ADARB2: variants seen among roughly 807,000 people sequenced by gnomAD.
ADARB2 encodes adenosine deaminase RNA specific B2 (inactive).
ADARB2 carries 25 observed loss-of-function variants against 62.2 expected under a neutral mutation model. That is an observed-to-expected ratio of 0.40 (90% confidence interval 0.29 to 0.56). The LOEUF is 0.56. ADARB2 is among the 20% of genes least tolerant of loss of function. The pLI, the probability that ADARB2 is intolerant of heterozygous loss-of-function variation, is 0.43. For synonymous variants in ADARB2, 572 were observed against 500.8 expected, an observed-to-expected ratio of 1.14 and a Z score of -1.90; for missense variants, 1,071 against 1,077.4, an observed-to-expected ratio of 0.99 and a Z score of 0.08.
chr10:1,388,044 C>A (rs1832539036), intron 1 of ADARB2, among the ~76,000 whole-genome samples: 1 of 151,978 alleles, frequency 6.6e-6, no homozygotes, highest in South Asian at 2.1e-4. Flanking sequence ...ACATGCCAAA[C>A]CTCCACACTC....
At chr10:1,382,979 C>T (rs567387178) in intron 1 of ADARB2, among the ~76,000 whole-genome samples, 2 of 152,300 alleles carry the variant, frequency 1.3e-5, no homozygotes, top group East Asian at 1.9e-4. Context: ...GGCCTGGGGC[C>T]GGCCCTGGTC....
intron 3 of ADARB2, among the ~76,000 whole-genome samples, chr10:1,357,653 A>G (rs1460231655): frequency 6.6e-6 from 1 of 152,202 alleles, no homozygotes; most frequent in Non-Finnish European, 1.5e-5. Flanking sequence ...TTCACCCAGG[A>G]TGGGAGCGAC....
intron 1 of ADARB2, among the ~76,000 whole-genome samples, chr10:1,618,589 T>C (rs1036803168): frequency 6.6e-6 from 1 of 152,020 alleles, no homozygotes; most frequent in Non-Finnish European, 1.5e-5. Flanking sequence ...ACTTCACATA[T>C]GCTGGAGTGC....
At chr10:1,543,300 G>A (rs1832467881) in intron 1 of ADARB2, among the ~76,000 whole-genome samples, 1 of 152,218 alleles carries the variant, frequency 6.6e-6, no homozygotes, top group Non-Finnish European at 1.5e-5. Flanking sequence ...TGTGAAGGGC[G>A]TCCTCCAGGT....
chr10:1,675,837 C>G (rs541003702), intron 1 of ADARB2, among the ~76,000 whole-genome samples: 2 of 152,170 alleles, frequency 1.3e-5, no homozygotes, highest in African/African-American at 4.8e-5. Flanking sequence ...GAAGGGAAGC[C>G]GTGTCTCTGA....
chr10:1,300,925 G>C (rs527761153), intron 3 of ADARB2, among the ~76,000 whole-genome samples: 1 of 152,242 alleles, frequency 6.6e-6, no homozygotes, highest in Non-Finnish European at 1.5e-5. Context: ...AGATGCTGCT[G>C]TGATTGTCAG....
At chr10:1,543,453 A>T (rs1310772128) in intron 1 of ADARB2, among the ~76,000 whole-genome samples, 1 of 152,248 alleles carries the variant, frequency 6.6e-6, no homozygotes, top group Non-Finnish European at 1.5e-5. Context: ...GTATCTAAAA[A>T]GAGATCAATT....
intron 1 of ADARB2, among the ~76,000 whole-genome samples, chr10:1,548,685 G>T (rs1832564289): frequency 6.6e-6 from 1 of 152,168 alleles, no homozygotes; most frequent in Non-Finnish European, 1.5e-5. Context: ...AAAGATCTAG[G>T]ATAAGGAGAG....
intron 1 of ADARB2, among the ~76,000 whole-genome samples, chr10:1,487,691 AG>A (rs1234287405): frequency 6.6e-6 from 1 of 152,216 alleles, no homozygotes; most frequent in Non-Finnish European, 1.5e-5. Context: ...TTAGGGAAAA[AG>A]TTTAGGTATT....
intron 1 of ADARB2, among the ~76,000 whole-genome samples, chr10:1,445,575 A>C (rs865905522): frequency 1.9e-4 from 29 of 152,240 alleles, no homozygotes; most frequent in Middle Eastern, 6.8e-3. Context: ...TCCATTATTT[A>C]CATGTTGCAT....
intron 7 of ADARB2, among the ~76,000 whole-genome samples, chr10:1,201,586 A>T (rs1836985551): frequency 6.6e-6 from 1 of 151,142 alleles, no homozygotes; most frequent in African/African-American, 2.4e-5. Flanking sequence ...GAGGACCTTC[A>T]TTCCACAGAG....
chr10:1,415,321 AATGGATGG>A (rs1207220142), intron 1 of ADARB2, among the ~76,000 whole-genome samples: 1 of 135,698 alleles, frequency 7.4e-6, no homozygotes, highest in African/African-American at 2.8e-5. Flanking sequence ...TAAATGGTGA[AATGGATGG>A]ATGGATGGAT....
chr10:1,460,889 C>A (rs1353619059), intron 1 of ADARB2, among the ~76,000 whole-genome samples: 1 of 107,752 alleles, frequency 9.3e-6, no homozygotes, highest in Non-Finnish European at 2.0e-5. Context: ...CCTGAGTTTA[C>A]CTGCGTTACG....
rs145024882 is a variant in ADARB2, at chr10:1,729,479, G to A, written c.100+7572C>T. Reference sequence around the variant, plus strand: ...GATGAGTGAACCCAGCCAGACTTGGGGTTTGGAGGAGGTCAGAATCTATTC... The same window carrying A: ...GATGAGTGAACCCAGCCAGACTTGGAGTTTGGAGGAGGTCAGAATCTATTC... On this transcript the variant is annotated intron_variant, in intron 1 of 9. Coordinates refer to ENST00000381312, the MANE Select transcript of ADARB2 (RefSeq NM_018702.4). Among the ~76,000 whole-genome samples, 61 of 152,236 alleles carry A rather than the reference G, an allele frequency of 4.0e-4. 1 individual carries two copies. The East Asian group carries it at 0.012, about 29-fold the overall frequency.
intron 1 of ADARB2, among the ~76,000 whole-genome samples, chr10:1,636,289 G>A (rs1833916855): frequency 6.6e-6 from 1 of 152,214 alleles, no homozygotes; most frequent in African/African-American, 2.4e-5. Context: ...GGCTGAAGCA[G>A]GCGGATCACT....
chr10:1,510,096 T>TTTCTTTCTCTCTTTCTTTC (rs1564312412), intron 1 of ADARB2, among the ~76,000 whole-genome samples: 47 of 124,808 alleles, frequency 3.8e-4, no homozygotes, highest in Admixed American at 1.3e-3. Flanking sequence ...TCTCTCTCTC[T>TTTCTTTCTCTCTTTCTTTC]TTTCTTTCTT....
At chr10:1,401,819 G>A (rs1045031967) in intron 1 of ADARB2, among the ~76,000 whole-genome samples, 2 of 152,166 alleles carry the variant, frequency 1.3e-5, no homozygotes, top group African/African-American at 4.8e-5. Flanking sequence ...GGCCTGGGGA[G>A]CGGTTCCCAA....
intron 1 of ADARB2, among the ~76,000 whole-genome samples, chr10:1,500,515 C>G (rs1372316594): frequency 6.6e-6 from 1 of 152,196 alleles, no homozygotes; most frequent in African/African-American, 2.4e-5. Flanking sequence ...TAAATGACAA[C>G]TTATTTACTA....
intron 1 of ADARB2, among the ~76,000 whole-genome samples, chr10:1,663,665 G>C (rs1183175703): frequency 6.6e-6 from 1 of 151,994 alleles, no homozygotes; most frequent in African/African-American, 2.4e-5. Flanking sequence ...TGTCACCCAG[G>C]CTAGAGTGCA....
Sources: allele counts gnomAD v4.1 joint callset (sites outside exome capture counted in the v4.1 genomes callset), GRCh38; gene constraint gnomAD v4.1.1; transcripts MANE v1.5; gene names NCBI Gene and HGNC (gene_info 2026-07-23, HGNC 2026-07-21).